The following AGBL4 variants were observed in gnomAD, a reference collection of about 807,000 sequenced individuals.
AGBL4 encodes the protein cytosolic carboxypeptidase 6.
AGBL4 carries 58 observed loss-of-function variants against 66.4 expected under a neutral mutation model. That is an observed-to-expected ratio of 0.87 (90% CI 0.71 to 1.09). The LOEUF is 1.09. Among genes scored for constraint, AGBL4 ranks in the 50% least tolerant of loss-of-function variants. The probability of loss-of-function intolerance (pLI) is 0.00; values close to 1 mark genes in which losing one functional copy is unlikely to be tolerated. For synonymous variants in AGBL4, 234 were observed against 222.9 expected (o/e 1.05, Z -0.44); for missense variants, 579 against 631.0 (o/e 0.92, Z 0.88).
At chr1:49,642,096 T>A (rs1421133430) in intron 3 of AGBL4, among the ~76,000 whole-genome samples, 2 of 151,968 alleles carry the variant, frequency 1.3e-5, no homozygotes, top group Non-Finnish European at 2.9e-5. Flanking sequence ...CCTTGTAATA[T>A]GGTTCTCAAA....
At chr1:48,849,337 C>T (rs549026752) in intron 6 of AGBL4, among the ~76,000 whole-genome samples, 5 of 152,238 alleles carry the variant, frequency 3.3e-5, no homozygotes, top group Non-Finnish European at 5.9e-5. Flanking sequence ...ATATATTGGC[C>T]GATGTTTCAA....
intron 3 of AGBL4, among the ~76,000 whole-genome samples, chr1:49,453,864 TA>T (rs1646332401): frequency 6.6e-6 from 1 of 151,842 alleles, no homozygotes; most frequent in African/African-American, 2.4e-5. Flanking sequence ...AAGGCAGATC[TA>T]AGCAAGAGGC....
At position 48,532,894 on chromosome 1, in the gene AGBL4, A is replaced by G. The variant is rs1222815658; in HGVS notation, c.*1279T>C. ...ATTTGTGTTCCTCTGGGCAAAACGA[A>G]CCCAGGGGAGAAGCTGTATATACAA... is the stretch of plus-strand genomic sequence containing the variant. On this transcript the variant is annotated 3_prime_UTR_variant, in exon 14 of 14. Transcript: ENST00000371839. 6.6e-6 allele frequency: 1 copy of G among 152,198 alleles called. No homozygotes were observed. The highest frequency in any genetic ancestry group is 1.5e-5 in the Non-Finnish European group (1 of 68,054). The allele number at this position is 152,198 out of a possible 1,614,324, so 9.4% of individuals were successfully genotyped here.
intron 4 of AGBL4, among the ~76,000 whole-genome samples, chr1:49,129,620 A>G (rs924054770): frequency 4.0e-5 from 6 of 151,886 alleles, no homozygotes; most frequent in Non-Finnish European, 5.9e-5. Context: ...AATTTCATCC[A>G]TGTCCCTACA....
chr1:48,752,960 G>C (rs1025858696), intron 6 of AGBL4, among the ~76,000 whole-genome samples: 42 of 152,164 alleles, frequency 2.8e-4, no homozygotes, highest in Non-Finnish European at 5.3e-4. Flanking sequence ...ATGTTGGCCA[G>C]GATGGTCTCG....
chr1:49,315,116 C>T (rs569799217), intron 3 of AGBL4, among the ~76,000 whole-genome samples: 61 of 152,232 alleles, frequency 4.0e-4, no homozygotes, highest in African/African-American at 1.4e-3. Flanking sequence ...TGATCTTTGA[C>T]AAACCTGACA....
At chr1:49,957,544 T>C (rs1656722482) in intron 1 of AGBL4, among the ~76,000 whole-genome samples, 3 of 152,026 alleles carry the variant, frequency 2.0e-5, no homozygotes, top group Admixed American at 2.0e-4. Context: ...TGGGTGCTCC[T>C]GTATTGGGTG....
intron 11 of AGBL4, among the ~76,000 whole-genome samples, chr1:48,546,071 T>C (rs1017785631): frequency 6.6e-6 from 1 of 152,222 alleles, no homozygotes; most frequent in Non-Finnish European, 1.5e-5. Flanking sequence ...GCTGTTGCAC[T>C]GTCATCTTCA....
chr1:49,555,763 C>G (rs905436375), intron 3 of AGBL4, among the ~76,000 whole-genome samples: 3 of 151,596 alleles, frequency 2.0e-5, no homozygotes, highest in African/African-American at 7.3e-5. Flanking sequence ...ATGCAGCCAA[C>G]AGACACATGA....
chr1:49,150,985 T>C (rs1189722453), intron 4 of AGBL4, among the ~76,000 whole-genome samples: 1 of 152,054 alleles, frequency 6.6e-6, no homozygotes, highest in Non-Finnish European at 1.5e-5. Context: ...TATATACATA[T>C]AGGCCAGGCG....
intron 4 of AGBL4, among the ~76,000 whole-genome samples, chr1:49,125,619 A>G (rs970192023): frequency 6.6e-6 from 1 of 152,198 alleles, no homozygotes; most frequent in South Asian, 2.1e-4. Flanking sequence ...ATAAAATATT[A>G]TAGAAAATAA....
intron 11 of AGBL4, among the ~76,000 whole-genome samples, chr1:48,580,702 G>A (rs1333642401): frequency 6.6e-6 from 1 of 152,030 alleles, no homozygotes; most frequent in Non-Finnish European, 1.5e-5. Flanking sequence ...AAAGCCAATG[G>A]GAGACAAAAA....
chr1:49,253,710 CAAAA>C (rs779751943), intron 3 of AGBL4, among the ~76,000 whole-genome samples: 4 of 115,016 alleles, frequency 3.5e-5, no homozygotes, highest in African/African-American at 6.5e-5. Flanking sequence ...CTGGCAGAGA[CAAAA>C]AAAAAAAAAA....
At chr1:49,573,590 T>C (rs560596610) in intron 3 of AGBL4, among the ~76,000 whole-genome samples, 1 of 152,198 alleles carries the variant, frequency 6.6e-6, no homozygotes, top group East Asian at 1.9e-4. Context: ...AGGGATTCTG[T>C]CTCCCAGCTT....
At chr1:49,259,026 T>C (rs1184951878) in intron 3 of AGBL4, among the ~76,000 whole-genome samples, 1 of 152,046 alleles carries the variant, frequency 6.6e-6, no homozygotes, top group Admixed American at 6.6e-5. Context: ...AAAATAATTT[T>C]CAACCCAGAA....
Position 49,243,929 on chromosome 1 carries a change from C to T in AGBL4, c.377+1841G>A, listed in dbSNP as rs186902640. 1.1e-3 allele frequency among the ~76,000 whole-genome samples: 167 copies of T among 151,922 alleles called. 2 individuals are homozygous for T. The highest frequency in any genetic ancestry group is 3.9e-3 in the African/African-American group (161 of 41,526). On this transcript the variant is annotated intron_variant, in intron 4 of 13. Transcript: ENST00000371839. ...TTAGAGGAGTCCAATGACTGGATAA[C>T]GGCTGCTGCTGATTGCCTGCCAACA...
chr1:49,001,833 G>T (rs1459753584), intron 5 of AGBL4, among the ~76,000 whole-genome samples: 1 of 152,104 alleles, frequency 6.6e-6, no homozygotes, highest in Non-Finnish European at 1.5e-5. Context: ...AACCTCTAGG[G>T]TATGATATAT....
chr1:48,910,559 A>G (rs1652999511), intron 5 of AGBL4, among the ~76,000 whole-genome samples: 1 of 152,204 alleles, frequency 6.6e-6, no homozygotes, highest in South Asian at 2.1e-4. Context: ...ACAGACTGTC[A>G]AAACAGTCAG....
rs372831510 is a variant in AGBL4, at chr1:49,267,523, A to G, written c.283-21659T>C. Among the ~76,000 whole-genome samples the G allele has an allele frequency of 3.2e-4, 49 of 152,246 alleles. 1 individual carries two copies. The South Asian group carries it at 9.5e-3, about 30-fold the overall frequency. On this transcript the variant is annotated intron_variant, in intron 3 of 13. Coordinates refer to ENST00000371839, the MANE Select transcript of AGBL4 (RefSeq NM_032785.4). ...GTGAAACCCTGTCTCTATTAAAAAT[A>G]CAAAAAATTAGCCGGGCATGGTGGC...
Sources: allele counts gnomAD v4.1 joint callset (sites outside exome capture counted in the v4.1 genomes callset), GRCh38; gene constraint gnomAD v4.1.1; transcripts MANE v1.5; gene names NCBI Gene and HGNC (gene_info 2026-07-23, HGNC 2026-07-21).